PPARGC1A: variants seen among roughly 807,000 people sequenced by gnomAD.
The protein encoded by PPARGC1A is PPARG coactivator 1 alpha.
PPARGC1A carries 25 observed loss-of-function variants against 88.7 expected under a neutral mutation model. The ratio of observed to expected loss-of-function variants is 0.28; its 90% CI spans 0.21 to 0.39. PPARGC1A has a LOEUF of 0.39. PPARGC1A is among the 10% of genes least tolerant of loss of function. The pLI is 1.00. For synonymous variants in PPARGC1A, 363 were observed against 355.6 expected, an observed-to-expected ratio of 1.02 and a Z score of -0.24; for missense variants, 880 against 968.7, an observed-to-expected ratio of 0.91 and a Z score of 1.22.
At chr4:23,928,771 A>AAAAAAAAAAAAAAAAAAAAAAAC in the PPARGC1A span, among the ~76,000 whole-genome samples, 3 of 2,330 alleles carry the variant, frequency 1.3e-3, no homozygotes, top group East Asian at 0.017. Context: ...CAAAAAAAAC[A>AAAAAAAAAAAAAAAAAAAAAAAC]AAAAAAAACA....
At chr4:23,901,077 T>C (rs978116702), upstream of PPARGC1A, among the ~76,000 whole-genome samples, 3 of 151,426 alleles carry the variant, frequency 2.0e-5, no homozygotes, top group African/African-American at 7.3e-5. Flanking sequence ...ATATAAAAAT[T>C]AGCCAGGAGG....
chr4:24,395,644 T>A, the PPARGC1A span, among the ~76,000 whole-genome samples: 1 of 152,198 alleles, frequency 6.6e-6, no homozygotes, highest in Non-Finnish European at 1.5e-5. Context: ...CAGAGCAGCA[T>A]CTCTTTAATT....
chr4:24,333,235 C>T, the PPARGC1A span, among the ~76,000 whole-genome samples: 1 of 151,910 alleles, frequency 6.6e-6, no homozygotes, highest in Admixed American at 6.6e-5. Flanking sequence ...CAGAGCAAGA[C>T]TCCATCTCAA....
chr4:24,034,035 T>C, the PPARGC1A span, among the ~76,000 whole-genome samples: 329 of 152,162 alleles, frequency 2.2e-3, 2 homozygotes, highest in African/African-American at 7.7e-3. Flanking sequence ...CTTGGATAGG[T>C]CAGCAATGTG....
the PPARGC1A span, among the ~76,000 whole-genome samples, chr4:24,042,348 CCT>C: frequency 6.5e-3 from 984 of 152,270 alleles, 4 homozygotes; most frequent in Non-Finnish European, 0.011. Context: ...AAATAGTCAT[CCT>C]CTCTGCCTAA....
chr4:24,322,685 G>A, the PPARGC1A span, among the ~76,000 whole-genome samples: 2 of 152,210 alleles, frequency 1.3e-5, no homozygotes, highest in Non-Finnish European at 2.9e-5. Flanking sequence ...TCACATTGGT[G>A]GCTTGAAGCT....
chr4:24,311,412 G>A, the PPARGC1A span, among the ~76,000 whole-genome samples: 3 of 148,528 alleles, frequency 2.0e-5, no homozygotes, highest in Admixed American at 6.7e-5. Context: ...TGGCCGGGTG[G>A]ATCACGAGGT....
chr4:24,393,045 A>C, the PPARGC1A span, among the ~76,000 whole-genome samples: 25 of 102,174 alleles, frequency 2.4e-4, no homozygotes, highest in Non-Finnish European at 4.8e-4. Flanking sequence ...ACACACACAC[A>C]CACCCCTTTT....
At chr4:23,907,608 G>T (rs574660596), upstream of PPARGC1A, among the ~76,000 whole-genome samples, 7 of 152,198 alleles carry the variant, frequency 4.6e-5, no homozygotes, top group South Asian at 1.5e-3. Context: ...TCGAAAATGG[G>T]GATAATACCT....
At chr4:24,048,994 A>G in the PPARGC1A span, among the ~76,000 whole-genome samples, 1 of 151,928 alleles carries the variant, frequency 6.6e-6, no homozygotes, top group Non-Finnish European at 1.5e-5. Context: ...GGAACTCTCA[A>G]TTATCCATAT....
the PPARGC1A span, among the ~76,000 whole-genome samples, chr4:24,004,941 A>G: frequency 3.9e-5 from 6 of 152,178 alleles, no homozygotes; most frequent in East Asian, 1.2e-3. Flanking sequence ...GTAGGTACGC[A>G]AGAAATGTTC....
At chr4:23,832,219 G>GGAACTATACT (rs1725133755) in intron 2 of PPARGC1A, among the ~76,000 whole-genome samples, 1 of 152,072 alleles carries the variant, frequency 6.6e-6, no homozygotes, top group Non-Finnish European at 1.5e-5. Context: ...ACCAGAAAGT[G>GGAACTATACT]GAACTATACT....
the PPARGC1A span, among the ~76,000 whole-genome samples, chr4:23,945,093 G>A: frequency 6.6e-6 from 1 of 151,990 alleles, no homozygotes; most frequent in South Asian, 2.1e-4. Flanking sequence ...ATAGAATAGT[G>A]CCAGGTACAT....
At chr4:24,455,957 C>T in the PPARGC1A span, among the ~76,000 whole-genome samples, 3 of 152,194 alleles carry the variant, frequency 2.0e-5, no homozygotes, top group African/African-American at 7.2e-5. Context: ...CTGAGCTTGG[C>T]AGATAGGCTG....
intron 2 of PPARGC1A, among the ~76,000 whole-genome samples, chr4:23,873,204 A>T (rs531171416): frequency 0.037 from 4,715 of 128,348 alleles, 674 homozygotes; most frequent in South Asian, 0.068. Flanking sequence ...TCTCAAAAAT[A>T]AAAAATAAAA....
At chr4:24,013,937 C>T in the PPARGC1A span, among the ~76,000 whole-genome samples, 1 of 152,002 alleles carries the variant, frequency 6.6e-6, no homozygotes, top group Non-Finnish European at 1.5e-5. Context: ...ATAAAAAGCC[C>T]AGAAGTCTGA....
At chr4:24,100,152 C>T in the PPARGC1A span, among the ~76,000 whole-genome samples, 417 of 152,168 alleles carry the variant, frequency 2.7e-3, 4 homozygotes, top group East Asian at 0.052. Context: ...ATCTCAGGCC[C>T]CACTCCAGAC....
At chr4:23,796,675 T>C (rs1319383186) in intron 12 of PPARGC1A, among the ~76,000 whole-genome samples, 1 of 152,190 alleles carries the variant, frequency 6.6e-6, no homozygotes, top group East Asian at 1.9e-4. Context: ...AAAATTCTGT[T>C]AAATATTCCT....
At chr4:23,906,941 C>G (rs1279943880), upstream of PPARGC1A, among the ~76,000 whole-genome samples, 3 of 152,144 alleles carry the variant, frequency 2.0e-5, no homozygotes, top group Non-Finnish European at 4.4e-5. Context: ...ATTTCCAAAA[C>G]TGTAGGCTTT....
Sources: allele counts gnomAD v4.1 joint callset (sites outside exome capture counted in the v4.1 genomes callset), GRCh38; gene constraint gnomAD v4.1.1; transcripts MANE v1.5; gene names NCBI Gene and HGNC (gene_info 2026-07-23, HGNC 2026-07-21).